The following SMCO4 variants were observed in gnomAD, a reference collection of about 807,000 sequenced individuals.
The protein encoded by SMCO4 is single-pass membrane and coiled-coil domain-containing protein 4.
In SMCO4, 4 loss-of-function variants were observed where a neutral mutation model predicts 3.6. The observed-to-expected ratio is 1.11, with a 90% CI of 0.54 to 2.53. The LOEUF is 2.53. SMCO4 is among the 30% of genes most tolerant of loss of function. The probability of loss-of-function intolerance (pLI) is 0.02; values close to 1 mark genes in which losing one functional copy is unlikely to be tolerated. For synonymous variants in SMCO4, 36 were observed against 35.3 expected (o/e 1.02, Z -0.07); for missense variants, 70 against 80.8 (o/e 0.87, Z 0.51).
intron 1 of SMCO4, among the ~76,000 whole-genome samples, chr11:93,532,433 G>C (rs1286076062): frequency 6.6e-6 from 1 of 152,196 alleles, no homozygotes; most frequent in Non-Finnish European, 1.5e-5. Context: ...CTCAAACTGA[G>C]ACTTACACCA....
chr11:93,514,925 C>T (rs189878380), intron 1 of SMCO4, among the ~76,000 whole-genome samples: 1 of 152,138 alleles, frequency 6.6e-6, no homozygotes, highest in South Asian at 2.1e-4. Context: ...CTCAAAGAGA[C>T]AACATAGTTA....
At chr11:93,489,688 C>A (rs1948691988) in intron 2 of SMCO4, among the ~76,000 whole-genome samples, 1 of 152,246 alleles carries the variant, frequency 6.6e-6, no homozygotes, top group African/African-American at 2.4e-5. Context: ...AGAAAAGTCC[C>A]TGGCATAGGC....
intron 1 of SMCO4, among the ~76,000 whole-genome samples, chr11:93,510,540 G>T (rs1005583805): frequency 2.0e-5 from 3 of 152,136 alleles, no homozygotes; most frequent in Non-Finnish European, 4.4e-5. Flanking sequence ...CCCAATTGTC[G>T]AAAGCAGCCC....
At chr11:93,481,294 T>C (rs1454927079) in intron 2 of SMCO4, 2 of 235,048 alleles carry the variant, frequency 8.5e-6, no homozygotes, top group Non-Finnish European at 1.4e-5. Context: ...AACAAATGCA[T>C]CTGTACCCAG....
intron 1 of SMCO4, chr11:93,535,664 A>T: frequency 6.2e-7 from 1 of 1,609,136 alleles, no homozygotes; most frequent in Non-Finnish European, 8.5e-7. Context: ...GGGAAAAAGA[A>T]GATCAGCACA....
chr11:93,479,135 G>C lies in SMCO4; in HGVS notation c.55C>G (p.Arg19Gly). 1 of 1,614,060 alleles carries C rather than the reference G, an allele frequency of 6.2e-7. No homozygotes were observed. Among genetic ancestry groups the C allele is most frequent in the South Asian group, 1.1e-5 (1 of 91,082 alleles). ...KKETSKDKKE[R>G]KQAMQEARQQ... The stretch of plus-strand genomic sequence containing the variant: ...CGGGCCTCCTGCATGGCTTGCTTCC[G>C]CTCCTTCTTGTCCTTGGAGGTCTCC... Residue 19 changes from arginine to glycine, a missense_variant, in exon 3 of 3, where the codon CGG becomes GGG. By Grantham distance (125) the Arg-to-Gly change is moderately radical (BLOSUM62 -2). Coordinates refer to ENST00000298966, the MANE Select transcript of SMCO4 (RefSeq NM_020179.3).
rs1949221107 is a variant in SMCO4, at chr11:93,535,948, A to G, written c.-154+7328T>C. The G allele has an allele frequency of 5.5e-6, 8 of 1,467,572 alleles. No homozygotes were observed. The South Asian group carries it at 9.4e-5, about 17-fold the overall frequency. The allele number at this position is 1,467,572 out of a possible 1,614,324, so 90.9% of individuals were successfully genotyped here. A position where few individuals can be genotyped will look rare whatever the true frequency, so the allele number is the denominator to read the frequency against. On this transcript the variant is annotated intron_variant, in intron 1 of 2. Coordinates refer to ENST00000298966, the MANE Select transcript of SMCO4 (RefSeq NM_020179.3). The stretch of plus-strand genomic sequence containing the variant: ...ACATAAGATTAGGGTCTTTTTGGAA[A>G]GAATAGTTGCAGTGTTTATAGGATA...
intron 2 of SMCO4, among the ~76,000 whole-genome samples, chr11:93,498,950 T>TG (rs1292877433): frequency 6.6e-6 from 1 of 151,996 alleles, no homozygotes; most frequent in Non-Finnish European, 1.5e-5. Context: ...AGTACTATGA[T>TG]GGGGGGTGTG....
chr11:93,494,963 C>T (rs868659477), intron 2 of SMCO4, among the ~76,000 whole-genome samples: 2 of 152,132 alleles, frequency 1.3e-5, no homozygotes, highest in Non-Finnish European at 2.9e-5. Context: ...CCCACCCCAC[C>T]GTGCCCTCCA....
chr11:93,482,389 A>G lies in SMCO4; in HGVS notation c.-80-3120T>C, dbSNP rs180719890. On this transcript the variant is annotated intron_variant, in intron 2 of 2. Coordinates refer to ENST00000298966, the MANE Select transcript of SMCO4 (RefSeq NM_020179.3). Reference sequence around the variant, plus strand: ...GTGAGGATGCTTCTTAGACATCGTCATGGAAATAATATCAAGGAGGCAATT... The same window carrying G: ...GTGAGGATGCTTCTTAGACATCGTCGTGGAAATAATATCAAGGAGGCAATT... 1.6e-3 allele frequency among the ~76,000 whole-genome samples: 243 copies of G among 152,356 alleles called. 1 individual carries two copies. Among genetic ancestry groups the G allele is most frequent in the African/African-American group, 5.5e-3 (227 of 41,578 alleles).
chr11:93,531,008 G>C (rs565970976), intron 1 of SMCO4, among the ~76,000 whole-genome samples: 2 of 152,202 alleles, frequency 1.3e-5, no homozygotes, highest in Non-Finnish European at 2.9e-5. Flanking sequence ...TAAGATGAGT[G>C]TGATGGTTAA....
At chr11:93,483,354 G>T (rs1233508203) in intron 2 of SMCO4, among the ~76,000 whole-genome samples, 1 of 152,206 alleles carries the variant, frequency 6.6e-6, no homozygotes, top group African/African-American at 2.4e-5. Flanking sequence ...TCCTGGGCCA[G>T]GGCTGGCTCA....
intron 1 of SMCO4, among the ~76,000 whole-genome samples, chr11:93,532,573 A>G (rs1270639484): frequency 6.6e-6 from 1 of 152,154 alleles, no homozygotes; most frequent in Non-Finnish European, 1.5e-5. Flanking sequence ...CAATTCCCCT[A>G]ATAAATCCCC....
rs1286647650 is a variant in SMCO4, at chr11:93,495,483, G to C, written c.-81+3793C>G. Among the ~76,000 whole-genome samples the C allele has an allele frequency of 3.3e-5, 5 of 152,030 alleles. No individual in the cohort carries two copies. In the East Asian group the frequency reaches 9.7e-4, roughly 29 times the overall value. On this transcript the variant is annotated intron_variant, in intron 2 of 2. Transcript: ENST00000298966. ...ACACAGGAGTAAAGCTCAAGACTAA[G>C]GAAAACAAATCGGCTTCAAGATAGG...
At chr11:93,509,557 G>A (rs1447427288) in intron 1 of SMCO4, among the ~76,000 whole-genome samples, 1 of 152,154 alleles carries the variant, frequency 6.6e-6, no homozygotes, top group African/African-American at 2.4e-5. Flanking sequence ...GTAAAAATAT[G>A]GAACCAGCCC....
upstream of SMCO4, among the ~76,000 whole-genome samples, chr11:93,544,859 TA>T (rs1949303337): frequency 6.6e-6 from 1 of 152,208 alleles, no homozygotes; most frequent in Admixed American, 6.5e-5. Context: ...CAAAGATATT[TA>T]ATAAAAGGCA....
chr11:93,542,555 G>A (rs1006376398), intron 1 of SMCO4, among the ~76,000 whole-genome samples: 1 of 152,162 alleles, frequency 6.6e-6, no homozygotes, highest in Non-Finnish European at 1.5e-5. Flanking sequence ...GGGAGGGGCG[G>A]TAGTCGGCCC....
intron 2 of SMCO4, among the ~76,000 whole-genome samples, chr11:93,479,608 C>A (rs1334421068): frequency 6.6e-6 from 1 of 152,206 alleles, no homozygotes; most frequent in Non-Finnish European, 1.5e-5. Context: ...CTCTCCCTTT[C>A]GTGGCTCTAG....
chr11:93,533,512 A>G (rs939167094), intron 1 of SMCO4, among the ~76,000 whole-genome samples: 1 of 152,124 alleles, frequency 6.6e-6, no homozygotes, highest in Non-Finnish European at 1.5e-5. Flanking sequence ...TGTCCTGGCC[A>G]TCTGTGTAGC....
Sources: gnomAD v4.1 joint callset for allele counts (sites outside exome capture counted in the v4.1 genomes callset) on GRCh38, gnomAD v4.1.1 for gene constraint, MANE v1.5 for transcripts, NCBI Gene and HGNC (gene_info 2026-07-23, HGNC 2026-07-21) for gene names.